The following NUBPL variants were observed in gnomAD, a reference collection of about 807,000 sequenced individuals.
NUBPL encodes iron-sulfur cluster transfer protein NUBPL.
Under a neutral mutation model 45.7 loss-of-function variants are expected in NUBPL, and 31 were observed. That is an observed-to-expected ratio of 0.68 (90% confidence interval 0.51 to 0.92). The LOEUF is 0.92. Ranked by LOEUF, NUBPL falls within the 40% of genes least tolerant of loss-of-function variation. NUBPL has a pLI of 0.00. For missense variants in NUBPL, 401 were observed against 398.7 expected, an observed-to-expected ratio of 1.01 and a Z score of -0.05; for synonymous variants, 144 against 140.9, an observed-to-expected ratio of 1.02 and a Z score of -0.15.
intron 6 of NUBPL, among the ~76,000 whole-genome samples, chr14:31,775,302 C>T (rs1320672885): frequency 6.6e-6 from 1 of 152,138 alleles, no homozygotes; most frequent in Admixed American, 6.5e-5. Flanking sequence ...TCTGTAATCC[C>T]AGCTACTTGG....
At chr14:31,650,863 C>T (rs781278729) in intron 4 of NUBPL, among the ~76,000 whole-genome samples, 10 of 152,052 alleles carry the variant, frequency 6.6e-5, no homozygotes, top group Non-Finnish European at 4.4e-5. Flanking sequence ...GGAAGGGAAA[C>T]TAGTATATGC....
At chr14:31,672,447 G>C (rs1265401258) in intron 4 of NUBPL, among the ~76,000 whole-genome samples, 1 of 152,078 alleles carries the variant, frequency 6.6e-6, no homozygotes, top group Non-Finnish European at 1.5e-5. Flanking sequence ...TAAAATTGTA[G>C]TTGAGTTGTT....
intron 3 of NUBPL, among the ~76,000 whole-genome samples, chr14:31,570,907 A>G (rs1473627862): frequency 2.6e-5 from 4 of 152,202 alleles, no homozygotes; most frequent in African/African-American, 9.7e-5. Flanking sequence ...CTTCCAGTAC[A>G]TGATGCCAGA....
chr14:31,824,462 A>C (rs575886164), intron 7 of NUBPL, among the ~76,000 whole-genome samples: 116 of 152,308 alleles, frequency 7.6e-4, no homozygotes, highest in African/African-American at 2.7e-3. Context: ...CTCATATTGT[A>C]TAGTTTAAAA....
intron 4 of NUBPL, among the ~76,000 whole-genome samples, chr14:31,634,861 G>C (rs2035445049): frequency 6.7e-6 from 1 of 150,054 alleles, no homozygotes; most frequent in Non-Finnish European, 1.5e-5. Flanking sequence ...ATTTTTTCAT[G>C]TGTCTTTTGG....
At chr14:31,665,307 G>A (rs1203033776) in intron 4 of NUBPL, among the ~76,000 whole-genome samples, 9 of 152,070 alleles carry the variant, frequency 5.9e-5, no homozygotes, top group Admixed American at 5.9e-4. Flanking sequence ...TCTTTTAATT[G>A]TGATGTTAAG....
intron 4 of NUBPL, chr14:31,662,056 T>C (rs1439073411): frequency 1.3e-5 from 2 of 152,078 alleles, no homozygotes; most frequent in African/African-American, 2.4e-5. Context: ...TTTTTCTTTG[T>C]TAAATTTTCC....
At chr14:31,824,114 C>G (rs935681149) in intron 7 of NUBPL, among the ~76,000 whole-genome samples, 1 of 151,978 alleles carries the variant, frequency 6.6e-6, no homozygotes, top group Non-Finnish European at 1.5e-5. Flanking sequence ...ACAGTGACAG[C>G]TATCATTTAT....
chr14:31,691,856 A>C (rs549351562), intron 6 of NUBPL, among the ~76,000 whole-genome samples: 10 of 152,258 alleles, frequency 6.6e-5, no homozygotes, highest in Non-Finnish European at 1.3e-4. Context: ...CTTATTTTTT[A>C]GGATACATGA....
intron 8 of NUBPL, among the ~76,000 whole-genome samples, chr14:31,832,310 T>C (rs978720971): frequency 1.5e-4 from 23 of 152,264 alleles, no homozygotes; most frequent in Non-Finnish European, 2.9e-4. Flanking sequence ...GGGAAATGAA[T>C]GTAATTGACA....
intron 10 of NUBPL, among the ~76,000 whole-genome samples, chr14:31,850,557 T>C (rs1007601870): frequency 1.6e-4 from 25 of 152,208 alleles, no homozygotes; most frequent in Non-Finnish European, 1.5e-5. Flanking sequence ...GAAGGAAGCC[T>C]AATGCAAGAA....
chr14:31,808,347 T>G (rs954905896), intron 7 of NUBPL, among the ~76,000 whole-genome samples: 1 of 152,232 alleles, frequency 6.6e-6, no homozygotes, highest in Non-Finnish European at 1.5e-5. Flanking sequence ...ACATCCCTTG[T>G]CAGTGGGATT....
intron 8 of NUBPL, among the ~76,000 whole-genome samples, chr14:31,841,801 T>C (rs1566593446): frequency 1.3e-5 from 2 of 151,852 alleles, no homozygotes; most frequent in Non-Finnish European, 2.9e-5. Context: ...TTGTTGTGTA[T>C]GGAATGAGGT....
At chr14:31,621,415 A>G (rs1209169950) in intron 4 of NUBPL, among the ~76,000 whole-genome samples, 2 of 152,144 alleles carry the variant, frequency 1.3e-5, no homozygotes, top group East Asian at 3.9e-4. Flanking sequence ...CTGGTGGCAT[A>G]CATAGGTGCC....
At position 31,636,618 on chromosome 14, in the gene NUBPL, A is replaced by G. The variant is rs934367817; in HGVS notation, c.383-36737A>G. On this transcript the variant is annotated intron_variant, in intron 4 of 10. Coordinates refer to ENST00000281081, the MANE Select transcript of NUBPL (RefSeq NM_025152.3). Reference sequence around the variant, plus strand: ...TGCTGGCCTCATAAAATGAGTTAGGAAGGATTTCCTCTTTTTCTATTGATT... The same window carrying G: ...TGCTGGCCTCATAAAATGAGTTAGGGAGGATTTCCTCTTTTTCTATTGATT... 1.8e-4 allele frequency among the ~76,000 whole-genome samples: 27 copies of G among 152,182 alleles called. No homozygotes were observed. In the East Asian group the frequency reaches 2.1e-3, roughly 12 times the overall value.
rs1201119027 is a variant in NUBPL at position 31,599,352 on chromosome 14, C to T, written c.355C>T (p.Leu119=). The T allele has an allele frequency of 3.7e-6, 6 of 1,612,294 alleles. No individual in the cohort carries two copies. Among genetic ancestry groups the T allele is most frequent in the Non-Finnish European group, 5.1e-6 (6 of 1,178,818 alleles). Residue 119 remains leucine (L), a synonymous_variant, in exon 4 of 11, where the codon CTG becomes TTG. Coordinates refer to ENST00000281081, the MANE Select transcript of NUBPL (RefSeq NM_025152.3). The stretch of plus-strand genomic sequence containing the variant: ...ACCTTCAGTTCCAAAGATGATGAAT[C>T]TGAAAGGAAATCCGGAATTATCACA... The part of the protein sequence containing the change: ...YGPSVPKMMN[L]KGNPELSQSN...
At position 31,635,787 on chromosome 14, in the gene NUBPL, C is replaced by T. The variant is rs1341545338; in HGVS notation, c.382+36408C>T. ...TCCTTGAGCAGTGGTTTGTAGTTCT[C>T]CTTGAAGAGGTCCTTCACATCCCTT... is the stretch of plus-strand genomic sequence containing the variant. On this transcript the variant is annotated intron_variant, in intron 4 of 10. Transcript: ENST00000281081. Among the ~76,000 whole-genome samples, 25 of 151,672 alleles carry T rather than the reference C, an allele frequency of 1.6e-4. No individual in the cohort carries two copies. In the South Asian group the frequency reaches 4.0e-3, roughly 24 times the overall value.
At chr14:31,782,179 G>A (rs1049928824) in intron 6 of NUBPL, among the ~76,000 whole-genome samples, 3 of 151,770 alleles carry the variant, frequency 2.0e-5, no homozygotes, top group African/African-American at 4.8e-5. Flanking sequence ...GGCATATCAC[G>A]AGGTTAGGAG....
rs146898763 is a variant in NUBPL, at chr14:31,759,589, T to G, written c.514-28191T>G. Among the ~76,000 whole-genome samples, 61 of 152,190 alleles carry G rather than the reference T, an allele frequency of 4.0e-4. 2 individuals carry two copies. The highest frequency in any genetic ancestry group is 1.3e-3 in the African/African-American group (53 of 41,514). The stretch of plus-strand genomic sequence containing the variant: ...TTTCAAATCTGTTCTCATAGTAATT[T>G]TCAACTACATATGGTGTCCAACTTA... On this transcript the variant is annotated intron_variant, in intron 6 of 10. Transcript: ENST00000281081.
Sources: gnomAD v4.1 joint callset for allele counts (sites outside exome capture counted in the v4.1 genomes callset) on GRCh38, gnomAD v4.1.1 for gene constraint, MANE v1.5 for transcripts, NCBI Gene and HGNC (gene_info 2026-07-23, HGNC 2026-07-21) for gene names.